The following ITGA1 variants were observed in gnomAD, a reference collection of about 807,000 sequenced individuals.
ITGA1 encodes the protein integrin alpha-1.
ITGA1 carries 85 observed loss-of-function variants against 145.9 expected under a neutral mutation model. The ratio of observed to expected loss-of-function variants is 0.58; its 90% CI spans 0.49 to 0.70. The LOEUF is 0.70. Among genes scored for constraint, ITGA1 ranks in the 30% least tolerant of loss-of-function variants. The pLI is 0.00. For synonymous variants in ITGA1, 520 were observed against 495.3 expected, an observed-to-expected ratio of 1.05 and a Z score of -0.66; for missense variants, 1,351 against 1,418.7, an observed-to-expected ratio of 0.95 and a Z score of 0.77.
At chr5:52,909,174 C>A in intron 13 of ITGA1, 133 bp downstream of exon 13, 1 of 837,636 alleles carries the variant, frequency 1.2e-6, no homozygotes, top group Non-Finnish European at 1.8e-6. Flanking sequence ...TTCACTCCAC[C>A]AACCCCTCAG....
chr5:52,800,337 G>T, intron 1 of ITGA1: 1 of 1,592,440 alleles, frequency 6.3e-7, no homozygotes, highest in Non-Finnish European at 8.6e-7. Context: ...CTCTCCCGGG[G>T]CGGAGGTGAG....
chr5:52,828,592 G>T (rs927686736), intron 1 of ITGA1, among the ~76,000 whole-genome samples: 1 of 152,134 alleles, frequency 6.6e-6, no homozygotes. Flanking sequence ...CTAGGTCTGG[G>T]TGATGGTTTC....
chr5:52,911,304 AGTATATAGTGTATATATAGT>A (rs1371651265), intron 14 of ITGA1, among the ~76,000 whole-genome samples: 2 of 134,962 alleles, frequency 1.5e-5, no homozygotes, highest in Admixed American at 7.8e-5. Context: ...GTGTATATAT[AGTATATAGTGTATATATAGT>A]GTATATAGTG....
In ITGA1 at chr5:52,925,433, T is replaced by C. The variant is rs1298225265; in HGVS notation, c.2559T>C (p.Tyr853=). 5 of 1,614,078 alleles carry C rather than the reference T, an allele frequency of 3.1e-6. No individual in the cohort carries two copies. The Admixed American group carries it at 6.7e-5, about 22-fold the overall frequency. Residue 853 remains tyrosine (Y), a synonymous_variant, in exon 19 of 29, where the codon TAT becomes TAC. Transcript: ENST00000282588. The stretch of plus-strand genomic sequence containing the variant: ...TCAAAAATACAAAGGACAGTGCCTA[T>C]AACACCAGGACAATAGTGCATTATT... The part of the protein sequence containing the change: ...LTVKNTKDSA[Y]NTRTIVHYSP...
chr5:52,830,396 G>T (rs142857953), intron 1 of ITGA1, among the ~76,000 whole-genome samples: 66 of 152,070 alleles, frequency 4.3e-4, no homozygotes, highest in African/African-American at 1.5e-3. Flanking sequence ...AGTTTTCATA[G>T]GTAGGACTGT....
chr5:52,855,709 G>C lies in ITGA1; in HGVS notation c.183-5738G>C, dbSNP rs567475686. ...GAATGCTGGAGATTCCTGAAATTCT[G>C]TAAACCCTATGCTAATACTTTTCTA... On this transcript the variant is annotated intron_variant, in intron 2 of 28. Transcript: ENST00000282588. Among the ~76,000 whole-genome samples, 33 of 152,242 alleles carry C rather than the reference G, an allele frequency of 2.2e-4. 1 individual carries two copies. The South Asian group carries it at 6.6e-3, about 31-fold the overall frequency.
chr5:52,824,481 G>A (rs886273856), intron 1 of ITGA1: 1 of 151,958 alleles, frequency 6.6e-6, no homozygotes, highest in Non-Finnish European at 1.5e-5. Context: ...TAGTAGAGAT[G>A]GGGTTTCACA....
chr5:52,910,687 T>TAC (rs1405258592), intron 14 of ITGA1, among the ~76,000 whole-genome samples: 7 of 147,390 alleles, frequency 4.7e-5, no homozygotes, highest in East Asian at 2.0e-4. Flanking sequence ...ACACTATATA[T>TAC]ACTATATACA....
chr5:52,839,506 T>TTCAATCTCAGGG (rs1199351384), intron 1 of ITGA1, among the ~76,000 whole-genome samples: 1 of 152,188 alleles, frequency 6.6e-6, no homozygotes, highest in African/African-American at 2.4e-5. Flanking sequence ...ATGTCATTGG[T>TTCAATCTCAGGG]TCAATCTCAG....
intron 1 of ITGA1, among the ~76,000 whole-genome samples, chr5:52,848,615 A>C (rs1749375073): frequency 6.6e-6 from 1 of 152,086 alleles, no homozygotes; most frequent in Non-Finnish European, 1.5e-5. Flanking sequence ...TCTAGGGTAC[A>C]TGTGCACAAT....
intron 6 of ITGA1, among the ~76,000 whole-genome samples, chr5:52,873,475 T>C (rs1749816795): frequency 6.6e-6 from 1 of 152,234 alleles, no homozygotes; most frequent in Non-Finnish European, 1.5e-5. Flanking sequence ...TCAACTTTAT[T>C]ATGTTTCTGA....
At position 52,874,239 on chromosome 5, in the gene ITGA1, G is replaced by A. The variant is rs191876447; in HGVS notation, c.625-7634G>A. 1.9e-3 allele frequency among the ~76,000 whole-genome samples: 288 copies of A among 152,192 alleles called. 2 individuals carry two copies. The highest frequency in any genetic ancestry group is 2.8e-3 in the Non-Finnish European group (191 of 68,012). On this transcript the variant is annotated intron_variant, in intron 6 of 28. Coordinates refer to ENST00000282588, the MANE Select transcript of ITGA1 (RefSeq NM_181501.2). ...AAGACCAAACACAAGAGGCAGCCTC[G>A]CTTTGTAACAACCTGTTCTCTTGTA...
chr5:52,868,912 T>G (rs1217726869), intron 6 of ITGA1, among the ~76,000 whole-genome samples: 1 of 152,232 alleles, frequency 6.6e-6, no homozygotes, highest in South Asian at 2.1e-4. Context: ...TTCAGATGTA[T>G]GTACTAAGGG....
At chr5:52,927,529 G>T in intron 19 of ITGA1, 55 bp from the exon 20 acceptor site, 2 of 1,222,956 alleles carry the variant, frequency 1.6e-6, no homozygotes, top group Admixed American at 1.8e-5. Flanking sequence ...GAAAGAACAC[G>T]TATCAATATT....
chr5:52,920,246 T>C, intron 16 of ITGA1, 86 bp from the exon 17 acceptor site: 1 of 1,046,630 alleles, frequency 9.6e-7, no homozygotes, highest in Non-Finnish European at 1.3e-6. Context: ...AAGAGATTTT[T>C]CTATAATGCT....
chr5:52,925,816 G>A (rs919663599), intron 19 of ITGA1, among the ~76,000 whole-genome samples: 10 of 152,048 alleles, frequency 6.6e-5, no homozygotes, highest in Non-Finnish European at 1.3e-4. Context: ...GTTAACAGAC[G>A]TACAGAGAGG....
At chr5:52,915,761 C>A (rs1253211160) in intron 15 of ITGA1, among the ~76,000 whole-genome samples, 167 bp downstream of exon 15, 1 of 152,074 alleles carries the variant, frequency 6.6e-6, no homozygotes, top group Non-Finnish European at 1.5e-5. Context: ...ATCTTAAGAA[C>A]AAAGAAGCTA....
At chr5:52,800,203 G>A in intron 1 of ITGA1, 4 of 606,484 alleles carry the variant, frequency 6.6e-6, no homozygotes, top group South Asian at 5.9e-5. Flanking sequence ...GAGACTGAGA[G>A]AGGAAAGGAT....
In ITGA1 at chr5:52,915,323, T is replaced by G. The variant is rs141489441; in HGVS notation, c.1858-141T>G. ...GAACATCTGAGTATTTCCTCTTATC[T>G]CCACATGAGGGACCTCTTGGGCGGA... On this transcript the variant is annotated intron_variant, in intron 14 of 28. Coordinates refer to ENST00000282588, the MANE Select transcript of ITGA1 (RefSeq NM_181501.2). 1,667 of 791,766 alleles carry G rather than the reference T, an allele frequency of 2.1e-3. 23 individuals are homozygous for G. In the African/African-American group the frequency reaches 0.027, roughly 13 times the overall value. 49.0% of individuals were successfully genotyped at this position (791,766 alleles called of 1,614,324 possible).
Sources: allele counts gnomAD v4.1 joint callset (sites outside exome capture counted in the v4.1 genomes callset), GRCh38; gene constraint gnomAD v4.1.1; transcripts MANE v1.5; gene names NCBI Gene and HGNC (gene_info 2026-07-23, HGNC 2026-07-21).